Variants in RSPO2 observed in about 807,000 individuals in gnomAD.
RSPO2 encodes the protein R-spondin 2, also known as R-spondin-2.
A neutral mutation model predicts 30.9 loss-of-function variants in RSPO2; 14 were observed. The ratio of observed to expected loss-of-function variants is 0.45; its 90% CI spans 0.30 to 0.71. The LOEUF (loss-of-function observed/expected upper bound fraction) is 0.71. Ranked by LOEUF, RSPO2 falls within the 30% of genes least tolerant of loss-of-function variation. The pLI, the probability that RSPO2 is intolerant of heterozygous loss-of-function variation, is 0.08. For synonymous variants in RSPO2, 107 were observed against 96.4 expected (o/e 1.11, Z -0.64); for missense variants, 264 against 301.9 (o/e 0.87, Z 0.93).
intron 2 of RSPO2, among the ~76,000 whole-genome samples, chr8:108,037,300 G>C (rs936381766): frequency 6.6e-6 from 1 of 152,196 alleles, no homozygotes; most frequent in Non-Finnish European, 1.5e-5. Context: ...AGTCTGGATA[G>C]AAGAATAAAC....
At chr8:107,951,031 T>C (rs1343353141) in intron 5 of RSPO2, among the ~76,000 whole-genome samples, 7 of 116,276 alleles carry the variant, frequency 6.0e-5, no homozygotes, top group Non-Finnish European at 1.3e-4. Flanking sequence ...GATGAGGCGA[T>C]AGGGAGAATA....
chr8:107,905,258 T>C (rs1225090664), intron 5 of RSPO2, among the ~76,000 whole-genome samples: 1 of 152,088 alleles, frequency 6.6e-6, no homozygotes, highest in Non-Finnish European at 1.5e-5. Flanking sequence ...CGAGGCTGTC[T>C]AGAGTTTCCA....
chr8:107,978,212 C>T (rs1169457951), intron 3 of RSPO2, among the ~76,000 whole-genome samples: 1 of 151,956 alleles, frequency 6.6e-6, no homozygotes, highest in Non-Finnish European at 1.5e-5. Context: ...CAGATCACCC[C>T]AGGTCAGGAG....
chr8:107,926,418 T>A (rs1246559014), intron 5 of RSPO2, among the ~76,000 whole-genome samples: 1 of 152,122 alleles, frequency 6.6e-6, no homozygotes, highest in Non-Finnish European at 1.5e-5. Context: ...AGATCCCATT[T>A]GTCAATTTTG....
intron 5 of RSPO2, among the ~76,000 whole-genome samples, chr8:107,945,082 A>G (rs1331240184): frequency 6.6e-6 from 1 of 151,972 alleles, no homozygotes; most frequent in Non-Finnish European, 1.5e-5. Context: ...CAAAGGAAAA[A>G]TATCTTTGTA....
At chr8:108,039,112 C>G (rs1452020) in intron 2 of RSPO2, among the ~76,000 whole-genome samples, 1 of 151,928 alleles carries the variant, frequency 6.6e-6, no homozygotes, top group Non-Finnish European at 1.5e-5. Context: ...TAGATTGAAT[C>G]ATTTTTCCTG....
At chr8:108,034,499 C>T (rs2443779) in intron 2 of RSPO2, among the ~76,000 whole-genome samples, 117,406 of 152,172 alleles carry the variant, frequency 0.77, 46,519 homozygotes, top group African/African-American at 0.94. Context: ...TGCTTTAAAA[C>T]GCTTTGCCTG....
At chr8:108,014,636 T>C (rs1482244299) in intron 2 of RSPO2, among the ~76,000 whole-genome samples, 1 of 150,312 alleles carries the variant, frequency 6.7e-6, no homozygotes, top group Non-Finnish European at 1.5e-5. Context: ...TAAGTGGGAG[T>C]TGAACAATGA....
chr8:107,988,430 TTTTTTTTTTATAAGCACTGAGTAGGTAC>T (rs1814726091), intron 3 of RSPO2, among the ~76,000 whole-genome samples: 1 of 151,888 alleles, frequency 6.6e-6, no homozygotes, highest in Admixed American at 6.6e-5. Context: ...TTTGTGGTTT[TTTTTTTTTTATAAGCACTGAGTAGGTAC>T]TCGTTACAAA....
At chr8:107,979,763 T>TA (rs1160200878) in intron 3 of RSPO2, among the ~76,000 whole-genome samples, 1 of 152,116 alleles carries the variant, frequency 6.6e-6, no homozygotes, top group African/African-American at 2.4e-5. Context: ...CTGCTGGTTC[T>TA]ATCTTCTAAT....
intron 5 of RSPO2, among the ~76,000 whole-genome samples, chr8:107,922,458 A>G (rs1812204365): frequency 6.6e-6 from 1 of 152,196 alleles, no homozygotes; most frequent in Admixed American, 6.6e-5. Context: ...ATAGAAAAAT[A>G]TTCCATGTTC....
intron 5 of RSPO2, among the ~76,000 whole-genome samples, chr8:107,916,154 GAAAC>G (rs1319599077): frequency 1.3e-5 from 2 of 152,190 alleles, no homozygotes; most frequent in Admixed American, 1.3e-4. Flanking sequence ...TTTTGTCAGA[GAAAC>G]AAACTTTAAT....
At chr8:107,915,673 C>T (rs1811958939) in intron 5 of RSPO2, among the ~76,000 whole-genome samples, 1 of 152,068 alleles carries the variant, frequency 6.6e-6, no homozygotes, top group African/African-American at 2.4e-5. Flanking sequence ...ACTCAGAGAA[C>T]CCTCCTTATT....
At chr8:108,060,930 A>T (rs1812436982) in intron 2 of RSPO2, among the ~76,000 whole-genome samples, 1 of 151,804 alleles carries the variant, frequency 6.6e-6, no homozygotes, top group South Asian at 2.1e-4. Flanking sequence ...TATCCAGCCA[A>T]ACTAAGCTTC....
intron 2 of RSPO2, among the ~76,000 whole-genome samples, chr8:108,043,599 GA>G (rs5893902): frequency 0.3 from 44,843 of 147,818 alleles, 8,353 homozygotes; most frequent in African/African-American, 0.54. Flanking sequence ...AAGTATCTTG[GA>G]AAAAAAAAAA....
chr8:108,079,661 C>T (rs1233427389), intron 2 of RSPO2, among the ~76,000 whole-genome samples: 1 of 151,390 alleles, frequency 6.6e-6, no homozygotes, highest in Admixed American at 6.6e-5. Flanking sequence ...GGAGAATGCT[C>T]CACAGTGAAG....
intron 2 of RSPO2, among the ~76,000 whole-genome samples, chr8:107,996,015 A>G (rs1472247078): frequency 2.0e-5 from 3 of 152,130 alleles, no homozygotes; most frequent in Non-Finnish European, 2.9e-5. Context: ...AAGAGGTTTT[A>G]TTCTGGTATC....
chr8:107,987,410 T>C (rs1814685133), intron 3 of RSPO2, among the ~76,000 whole-genome samples: 2 of 152,218 alleles, frequency 1.3e-5, no homozygotes, highest in Admixed American at 1.3e-4. Context: ...GAAACACCTT[T>C]ATCAGTTGCA....
chr8:108,058,131 T>C (rs1049066726), intron 2 of RSPO2, among the ~76,000 whole-genome samples: 3 of 75,626 alleles, frequency 4.0e-5, no homozygotes, highest in East Asian at 5.8e-4. Flanking sequence ...ATAGCTCTTA[T>C]TGAGATACAT....
Sources: gnomAD v4.1 joint callset for allele counts (sites outside exome capture counted in the v4.1 genomes callset) on GRCh38, gnomAD v4.1.1 for gene constraint, MANE v1.5 for transcripts, NCBI Gene and HGNC (gene_info 2026-07-23, HGNC 2026-07-21) for gene names.